The following LPIN2 variants were observed in gnomAD, a reference collection of about 807,000 sequenced individuals.
LPIN2 encodes lipin 2.
LPIN2 carries 55 observed loss-of-function variants against 111.4 expected under a neutral mutation model. The ratio of observed to expected loss-of-function variants is 0.49; its 90% CI spans 0.40 to 0.62. LPIN2 has a LOEUF of 0.62. Among genes scored for constraint, LPIN2 ranks in the 20% least tolerant of loss-of-function variants. LPIN2 has a pLI of 0.00. For synonymous variants in LPIN2, 425 were observed against 414.0 expected (o/e 1.03, Z -0.32); for missense variants, 992 against 1,112.1 (o/e 0.89, Z 1.54).
At chr18:2,920,687 C>A in intron 19 of LPIN2, 91 bp downstream of exon 19, 1 of 989,936 alleles carries the variant, frequency 1.0e-6, no homozygotes, top group Non-Finnish European at 1.6e-6. Flanking sequence ...GGCCTGATCT[C>A]AAGGATCAGG....
rs1295918206 is a variant in LPIN2 at position 2,939,558 on chromosome 18, C to T, written c.744G>A (p.Glu248=). The change falls in exon 6 of 20, where the codon GAG becomes GAA. Residue 248 remains glutamate (E), a synonymous_variant. Coordinates refer to ENST00000677752, the MANE Select transcript of LPIN2 (RefSeq NM_001375808.2). The stretch of plus-strand genomic sequence containing the variant: ...TGAGCAGGCTCTCCGCAGGTTTCAC[C>T]TCCAGCTCTGAATCACTCTTAGGAC... ...TACPKSDSEL[E]VKPAESLLRS... is the part of the protein sequence containing the mutation. The T allele has an allele frequency of 6.2e-7, 1 of 1,614,054 alleles. No homozygotes were observed. The highest frequency in any genetic ancestry group is 8.5e-7 in the Non-Finnish European group (1 of 1,179,964).
chr18:2,962,088 A>G (rs1478029980), intron 1 of LPIN2, among the ~76,000 whole-genome samples: 1 of 152,240 alleles, frequency 6.6e-6, no homozygotes, highest in Non-Finnish European at 1.5e-5. Context: ...CCTCCAGGAT[A>G]TCTGCCTGCA....
intron 1 of LPIN2, 140 bp from the exon 2 acceptor site, chr18:2,960,989 A>ACAGT (rs2077703894): frequency 4.0e-6 from 3 of 750,792 alleles, no homozygotes; most frequent in Non-Finnish European, 7.0e-6. Context: ...TTTCAACCTA[A>ACAGT]CAGTCTCATG....
At chr18:2,996,595 A>G (rs1315824973) in intron 1 of LPIN2, among the ~76,000 whole-genome samples, 1 of 143,096 alleles carries the variant, frequency 7.0e-6, no homozygotes, top group African/African-American at 2.7e-5. Flanking sequence ...CTCCTGCCTC[A>G]GCCTCCCGAG....
At chr18:2,983,370 T>G (rs981859704) in intron 1 of LPIN2, among the ~76,000 whole-genome samples, 2 of 152,188 alleles carry the variant, frequency 1.3e-5, no homozygotes, top group African/African-American at 4.8e-5. Flanking sequence ...CAAGCAGAAT[T>G]TATTAATTTC....
At chr18:3,006,881 T>A (rs2078525023) in intron 1 of LPIN2, among the ~76,000 whole-genome samples, 1 of 151,528 alleles carries the variant, frequency 6.6e-6, no homozygotes, top group African/African-American at 2.4e-5. Context: ...AGGCCTGTAG[T>A]CCCAGCTACT....
At chr18:2,941,782 G>A (rs945021449) in intron 4 of LPIN2, among the ~76,000 whole-genome samples, 10 of 152,118 alleles carry the variant, frequency 6.6e-5, no homozygotes, top group South Asian at 2.1e-4. Context: ...AAAATTAGCC[G>A]GGTGTGGTGG....
chr18:2,964,051 G>T (rs1200576818), intron 1 of LPIN2, among the ~76,000 whole-genome samples: 1 of 151,722 alleles, frequency 6.6e-6, no homozygotes, highest in Non-Finnish European at 1.5e-5. Flanking sequence ...AGAGGCTGAG[G>T]CAAGCAGATC....
At chr18:2,953,224 C>G (rs1313086081) in intron 3 of LPIN2, among the ~76,000 whole-genome samples, 1 of 152,076 alleles carries the variant, frequency 6.6e-6, no homozygotes, top group South Asian at 2.1e-4. Context: ...TAATTTTTAG[C>G]GGAACTGTCA....
chr18:2,955,498 C>G (rs57736281), intron 2 of LPIN2, among the ~76,000 whole-genome samples: 1 of 152,158 alleles, frequency 6.6e-6, no homozygotes, highest in South Asian at 2.1e-4. Context: ...GAGGGATCTG[C>G]CCCCATGATC....
chr18:2,946,725 T>C (rs910431593), intron 4 of LPIN2: 1 of 577,808 alleles, frequency 1.7e-6, no homozygotes, highest in African/African-American at 1.9e-5. Context: ...ACATGAATTT[T>C]AAACTATTCA....
At chr18:3,011,449 C>A (rs1170295490) in intron 1 of LPIN2, among the ~76,000 whole-genome samples, 2 of 149,134 alleles carry the variant, frequency 1.3e-5, no homozygotes, top group East Asian at 2.3e-4. Flanking sequence ...CTTTGGGAGG[C>A]CGAGGGGGGC....
chr18:2,946,619 A>T, intron 4 of LPIN2: 1 of 752,324 alleles, frequency 1.3e-6, no homozygotes, highest in South Asian at 1.5e-5. Context: ...TGCTAGCACC[A>T]GTCTCCATAC....
At chr18:2,938,247 G>C (rs1182213470) in intron 6 of LPIN2, among the ~76,000 whole-genome samples, 1 of 152,132 alleles carries the variant, frequency 6.6e-6, no homozygotes, top group Non-Finnish European at 1.5e-5. Flanking sequence ...GTTCTGGCCG[G>C]GCACAGTGGC....
chr18:2,966,541 G>A (rs571236658), intron 1 of LPIN2, among the ~76,000 whole-genome samples: 2 of 152,174 alleles, frequency 1.3e-5, no homozygotes, highest in Non-Finnish European at 2.9e-5. Flanking sequence ...TATGAGCCTA[G>A]AACCTAAGCC....
At position 2,960,799 on chromosome 18, in the gene LPIN2, A is replaced by G. The variant is rs187493560; in HGVS notation, c.42T>C (p.Thr14=). 3 of 1,614,168 alleles carry G rather than the reference A, an allele frequency of 1.9e-6. No individual in the cohort carries two copies. Among genetic ancestry groups the G allele is most frequent in the Non-Finnish European group, 2.5e-6 (3 of 1,180,032 alleles). Reference sequence around the variant, plus strand: ...TAATGCCCTTGTAGAGTTCCTTCACAGTGACAATCACCTGCCCAGCCAGCT... The same window carrying G: ...TAATGCCCTTGTAGAGTTCCTTCACGGTGACAATCACCTGCCCAGCCAGCT... The part of the protein sequence containing the change: ...VGQLAGQVIV[T]VKELYKGINQ... The change falls in exon 2 of 20, where the codon ACT becomes ACC. Residue 14 remains threonine (T), a synonymous_variant. Coordinates refer to ENST00000677752, the MANE Select transcript of LPIN2 (RefSeq NM_001375808.2).
intron 1 of LPIN2, among the ~76,000 whole-genome samples, chr18:2,994,463 A>G (rs554348221): frequency 2.2e-4 from 34 of 152,336 alleles, no homozygotes; most frequent in Non-Finnish European, 3.5e-4. Context: ...GGGGGTGGTG[A>G]CTGGATTTAT....
chr18:2,979,017 A>G (rs2078065200), intron 1 of LPIN2: 1 of 152,326 alleles, frequency 6.6e-6, no homozygotes, highest in Non-Finnish European at 1.5e-5. Context: ...GACAGTGAAC[A>G]GAGCTGAAGA....
intron 1 of LPIN2, among the ~76,000 whole-genome samples, chr18:2,981,715 CCA>C (rs901164053): frequency 1.3e-5 from 2 of 152,174 alleles, no homozygotes; most frequent in African/African-American, 4.8e-5. Context: ...CATATTCAAA[CCA>C]CGTCTTTCCA....
Sources: allele counts gnomAD v4.1 joint callset (sites outside exome capture counted in the v4.1 genomes callset), GRCh38; gene constraint gnomAD v4.1.1; transcripts MANE v1.5; gene names NCBI Gene and HGNC (gene_info 2026-07-23, HGNC 2026-07-21).